The following AGBL4 variants were observed in gnomAD, a reference collection of about 807,000 sequenced individuals.
AGBL4 encodes AGBL carboxypeptidase 4, also known as cytosolic carboxypeptidase 6.
A neutral mutation model predicts 66.4 loss-of-function variants in AGBL4; 58 were observed. That is an observed-to-expected ratio of 0.87 (90% CI 0.71 to 1.09). The LOEUF (loss-of-function observed/expected upper bound fraction) is 1.09, where lower values mean the gene tolerates loss of function less well. AGBL4 is among the 50% of genes least tolerant of loss of function. The probability of loss-of-function intolerance (pLI) is 0.00; values close to 1 mark genes in which losing one functional copy is unlikely to be tolerated. For missense variants in AGBL4, 579 were observed against 631.0 expected (o/e 0.92, Z 0.88); for synonymous variants, 234 against 222.9 (o/e 1.05, Z -0.44).
chr1:48,873,634 C>T (rs546485190), intron 5 of AGBL4, among the ~76,000 whole-genome samples: 1 of 152,216 alleles, frequency 6.6e-6, no homozygotes, highest in African/African-American at 2.4e-5. Context: ...ATTACTTGCT[C>T]CCAGGATGGC....
chr1:48,730,032 T>C (rs1240324952), intron 6 of AGBL4, among the ~76,000 whole-genome samples: 1 of 152,220 alleles, frequency 6.6e-6, no homozygotes, highest in Non-Finnish European at 1.5e-5. Flanking sequence ...GCCTAAGCTC[T>C]ACTCATTCTT....
intron 3 of AGBL4, among the ~76,000 whole-genome samples, chr1:49,379,175 G>T (rs927914432): frequency 1.3e-5 from 2 of 152,054 alleles, no homozygotes; most frequent in African/African-American, 2.4e-5. Flanking sequence ...ATCCTGAAAA[G>T]CTCAGTGAAA....
At chr1:48,690,627 C>T (rs1013221556) in intron 6 of AGBL4, among the ~76,000 whole-genome samples, 2 of 151,846 alleles carry the variant, frequency 1.3e-5, no homozygotes, top group Non-Finnish European at 2.9e-5. Context: ...AGGAAAAGGA[C>T]CTTTTCTACT....
chr1:49,381,912 G>A (rs895100751), intron 3 of AGBL4, among the ~76,000 whole-genome samples: 7 of 151,532 alleles, frequency 4.6e-5, no homozygotes, highest in East Asian at 1.9e-4. Context: ...CGAGTTAATC[G>A]GTGCAGCACA....
chr1:49,554,086 T>C (rs1653201092), intron 3 of AGBL4, among the ~76,000 whole-genome samples: 1 of 152,074 alleles, frequency 6.6e-6, no homozygotes, highest in Non-Finnish European at 1.5e-5. Flanking sequence ...TGAGGTATGA[T>C]TACACCACTG....
intron 3 of AGBL4, among the ~76,000 whole-genome samples, chr1:49,430,894 A>G (rs887285137): frequency 1.3e-5 from 2 of 152,076 alleles, no homozygotes; most frequent in Non-Finnish European, 2.9e-5. Flanking sequence ...TACAGTTGAT[A>G]CTCTTTTATG....
chr1:48,774,760 G>A (rs1644994613), intron 6 of AGBL4, among the ~76,000 whole-genome samples: 1 of 152,168 alleles, frequency 6.6e-6, no homozygotes, highest in South Asian at 2.1e-4. Flanking sequence ...ATCTGCCTAA[G>A]TGGCCTCTCT....
intron 3 of AGBL4, among the ~76,000 whole-genome samples, chr1:49,541,526 C>T (rs546778263): frequency 1.2e-4 from 19 of 152,204 alleles, no homozygotes; most frequent in Non-Finnish European, 2.4e-4. Flanking sequence ...GCCGGCCTGC[C>T]GGTGCTGTGC....
intron 5 of AGBL4, among the ~76,000 whole-genome samples, chr1:48,884,468 T>C (rs1358281494): frequency 1.3e-5 from 2 of 152,120 alleles, no homozygotes; most frequent in Non-Finnish European, 2.9e-5. Flanking sequence ...CAAAATGTTA[T>C]GAATTATTTG....
intron 4 of AGBL4, among the ~76,000 whole-genome samples, chr1:49,201,449 A>C (rs187657367): frequency 6.6e-6 from 1 of 152,290 alleles, no homozygotes; most frequent in African/African-American, 2.4e-5. Context: ...GACAGGTCAA[A>C]AAACTTTCAC....
intron 3 of AGBL4, among the ~76,000 whole-genome samples, chr1:49,638,818 T>C (rs562365972): frequency 6.6e-6 from 1 of 152,302 alleles, no homozygotes; most frequent in South Asian, 2.1e-4. Context: ...AGGTATTTTC[T>C]TCATAGCAGT....
At chr1:49,677,447 C>A (rs181208039) in intron 3 of AGBL4, among the ~76,000 whole-genome samples, 5 of 151,816 alleles carry the variant, frequency 3.3e-5, no homozygotes, top group Admixed American at 1.3e-4. Context: ...TGGAAAAAAC[C>A]CCACTTAGTC....
chr1:49,920,917 A>T (rs1413571103), intron 1 of AGBL4, among the ~76,000 whole-genome samples: 1 of 152,250 alleles, frequency 6.6e-6, no homozygotes, highest in East Asian at 1.9e-4. Flanking sequence ...GCCATAAAAA[A>T]GGATGAGGTC....
intron 4 of AGBL4, among the ~76,000 whole-genome samples, chr1:49,159,460 G>A (rs1646499033): frequency 6.6e-6 from 1 of 152,112 alleles, no homozygotes; most frequent in African/African-American, 2.4e-5. Flanking sequence ...TTCCCTTTGT[G>A]GGTAACCCGA....
intron 3 of AGBL4, among the ~76,000 whole-genome samples, chr1:49,296,759 T>G (rs1452277422): frequency 6.6e-6 from 1 of 152,182 alleles, no homozygotes; most frequent in Non-Finnish European, 1.5e-5. Context: ...GCTGCCAGAA[T>G]GTAAAGGAAT....
At chr1:49,513,695 A>G (rs1649485859) in intron 3 of AGBL4, among the ~76,000 whole-genome samples, 1 of 152,042 alleles carries the variant, frequency 6.6e-6, no homozygotes, top group Admixed American at 6.6e-5. Context: ...TCAACTCAAC[A>G]GTCTTCTTTA....
intron 2 of AGBL4, among the ~76,000 whole-genome samples, chr1:49,702,677 A>G (rs2124631580): frequency 6.6e-6 from 1 of 152,242 alleles, no homozygotes; most frequent in East Asian, 1.9e-4. Context: ...ATCCCTATAA[A>G]TATAAACTCA....
At chr1:48,729,495 T>C (rs1264286487) in intron 6 of AGBL4, among the ~76,000 whole-genome samples, 3 of 152,096 alleles carry the variant, frequency 2.0e-5, no homozygotes, top group African/African-American at 4.8e-5. Flanking sequence ...AATCTTGTCA[T>C]TACCAAACCA....
intron 3 of AGBL4, among the ~76,000 whole-genome samples, chr1:49,563,255 G>C (rs368061933): frequency 5.9e-5 from 9 of 152,020 alleles, no homozygotes; most frequent in South Asian, 2.1e-4. Flanking sequence ...CATCTGCAAA[G>C]AGGGACAATT....
Sources: allele counts gnomAD v4.1 joint callset (sites outside exome capture counted in the v4.1 genomes callset), GRCh38; gene constraint gnomAD v4.1.1; transcripts MANE v1.5; gene names NCBI Gene and HGNC (gene_info 2026-07-23, HGNC 2026-07-21).